Variants in VAV3 observed in about 807,000 individuals in gnomAD.
VAV3 encodes the protein vav guanine nucleotide exchange factor 3.
VAV3 carries 94 observed loss-of-function variants against 131.2 expected under a neutral mutation model. The observed-to-expected ratio is 0.72, with a 90% CI of 0.61 to 0.85. VAV3 has a LOEUF of 0.85. VAV3 is among the 40% of genes least tolerant of loss of function. The pLI is 0.00. For synonymous variants in VAV3, 349 were observed against 342.0 expected, an observed-to-expected ratio of 1.02 and a Z score of -0.22; for missense variants, 939 against 1,002.7, an observed-to-expected ratio of 0.94 and a Z score of 0.86.
chr1:107,627,048 T>C (rs889271537), intron 20 of VAV3, among the ~76,000 whole-genome samples: 4 of 152,180 alleles, frequency 2.6e-5, no homozygotes, highest in Non-Finnish European at 5.9e-5. Context: ...GTGACTGATT[T>C]CTGAAGTTTC....
chr1:107,592,554 T>C (rs1359989927), intron 25 of VAV3, among the ~76,000 whole-genome samples: 2 of 152,122 alleles, frequency 1.3e-5, no homozygotes, highest in Non-Finnish European at 2.9e-5. Flanking sequence ...GGCAAAATAT[T>C]TAAGGTCTGC....
chr1:107,614,429 C>T (rs550086814), intron 21 of VAV3, among the ~76,000 whole-genome samples: 2 of 151,936 alleles, frequency 1.3e-5, no homozygotes, highest in Admixed American at 6.6e-5. Flanking sequence ...AATCTATCCC[C>T]TCCTCTTCAA....
At chr1:107,862,062 G>T (rs1249783370) in intron 2 of VAV3, among the ~76,000 whole-genome samples, 1 of 151,594 alleles carries the variant, frequency 6.6e-6, no homozygotes, top group East Asian at 1.9e-4. Flanking sequence ...TGTCCAAAGA[G>T]CATTATAATT....
chr1:107,946,288 C>A (rs1287521170), intron 1 of VAV3, among the ~76,000 whole-genome samples: 1 of 152,096 alleles, frequency 6.6e-6, no homozygotes, highest in African/African-American at 2.4e-5. Flanking sequence ...ATAGCTTGAC[C>A]AGTATCATGA....
intron 2 of VAV3, among the ~76,000 whole-genome samples, chr1:107,792,668 A>T (rs987488680): frequency 1.3e-5 from 2 of 152,236 alleles, no homozygotes; most frequent in African/African-American, 4.8e-5. Flanking sequence ...ATCTCAGTTA[A>T]TTCTAATCTA....
intron 1 of VAV3, among the ~76,000 whole-genome samples, chr1:107,919,471 C>G (rs1672783270): frequency 6.6e-6 from 1 of 152,114 alleles, no homozygotes; most frequent in Non-Finnish European, 1.5e-5. Flanking sequence ...ATAAATCAGA[C>G]AAGTACAAAA....
intron 1 of VAV3, among the ~76,000 whole-genome samples, chr1:107,912,850 T>G (rs559501906): frequency 1.8e-4 from 27 of 152,296 alleles, no homozygotes; most frequent in Non-Finnish European, 3.2e-4. Context: ...TACTCATCTC[T>G]GGTTGAACTG....
intron 2 of VAV3, among the ~76,000 whole-genome samples, chr1:107,801,509 T>G (rs953007051): frequency 6.6e-6 from 1 of 152,152 alleles, no homozygotes; most frequent in African/African-American, 2.4e-5. Flanking sequence ...AATAGGTAGA[T>G]GAGATGGAAA....
intron 19 of VAV3, among the ~76,000 whole-genome samples, chr1:107,645,702 T>C (rs905466583): frequency 6.6e-5 from 10 of 152,104 alleles, no homozygotes; most frequent in Non-Finnish European, 1.2e-4. Context: ...ATAAAATTCT[T>C]AACACAATCT....
chr1:107,650,715 C>A (rs1480017947), intron 19 of VAV3, among the ~76,000 whole-genome samples: 2 of 118,232 alleles, frequency 1.7e-5, no homozygotes, highest in African/African-American at 6.2e-5. Flanking sequence ...CCCCCCCTCC[C>A]CCCACCCCAC....
intron 10 of VAV3, among the ~76,000 whole-genome samples, chr1:107,760,570 C>T (rs1209923479): frequency 6.6e-6 from 1 of 152,108 alleles, no homozygotes; most frequent in Non-Finnish European, 1.5e-5. Flanking sequence ...TTTAAGGACA[C>T]AAAATGTGAT....
At chr1:107,870,382 C>T (rs1670198144) in intron 2 of VAV3, among the ~76,000 whole-genome samples, 1 of 152,032 alleles carries the variant, frequency 6.6e-6, no homozygotes, top group South Asian at 2.1e-4. Flanking sequence ...TTTCCCTGAT[C>T]ATTAGTGATA....
At chr1:107,905,738 T>G (rs1672074671) in intron 1 of VAV3, among the ~76,000 whole-genome samples, 1 of 152,224 alleles carries the variant, frequency 6.6e-6, no homozygotes, top group Non-Finnish European at 1.5e-5. Context: ...ATAATTAAGT[T>G]TTGCTGCTGG....
intron 19 of VAV3, among the ~76,000 whole-genome samples, chr1:107,645,818 T>C (rs910235985): frequency 2.0e-5 from 3 of 152,072 alleles, no homozygotes; most frequent in Non-Finnish European, 2.9e-5. Context: ...TAATTTAATA[T>C]AGGTTTTCTT....
At chr1:107,934,005 T>C (rs1037846143) in intron 1 of VAV3, among the ~76,000 whole-genome samples, 4 of 152,214 alleles carry the variant, frequency 2.6e-5, no homozygotes, top group African/African-American at 9.6e-5. Context: ...CTACCACTGG[T>C]CTCTGGCCAG....
chr1:107,889,132 A>ACTGTGT (rs145566213), intron 1 of VAV3, among the ~76,000 whole-genome samples: 1 of 141,926 alleles, frequency 7.0e-6, no homozygotes, highest in African/African-American at 2.7e-5. Flanking sequence ...TCCTGTGTAG[A>ACTGTGT]GTGTGTGTGT....
chr1:107,934,448 G>A (rs142771368), intron 1 of VAV3, among the ~76,000 whole-genome samples: 10 of 152,330 alleles, frequency 6.6e-5, no homozygotes, highest in African/African-American at 2.4e-4. Context: ...CTATGTGTAT[G>A]TGTGTGTGCA....
rs1158497368 is a variant in VAV3, at chr1:107,607,225, T to A, written c.2015+2706A>T. ...CTTCGGCCTCCCAAAGTGCAGGGAT[T>A]ACAGGCACGAGTCAACACGCCCAGC... is the stretch of plus-strand genomic sequence containing the variant. On this transcript the variant is annotated intron_variant, in intron 22 of 26. Coordinates refer to ENST00000370056, the MANE Select transcript of VAV3 (RefSeq NM_006113.5). Among the ~76,000 whole-genome samples, 6 of 152,136 alleles carry A rather than the reference T, an allele frequency of 3.9e-5. No homozygotes were observed. In the South Asian group the frequency reaches 1.2e-3, roughly 32 times the overall value.
chr1:107,934,973 G>A (rs1295349829), intron 1 of VAV3, among the ~76,000 whole-genome samples: 1 of 152,184 alleles, frequency 6.6e-6, no homozygotes, highest in Non-Finnish European at 1.5e-5. Context: ...TCACACACTA[G>A]TAACAATAGC....
Sources: gnomAD v4.1 joint callset for allele counts (sites outside exome capture counted in the v4.1 genomes callset) on GRCh38, gnomAD v4.1.1 for gene constraint, MANE v1.5 for transcripts, NCBI Gene and HGNC (gene_info 2026-07-23, HGNC 2026-07-21) for gene names.